The following DHRS4 variants were observed in gnomAD, a reference collection of about 807,000 sequenced individuals.
The protein encoded by DHRS4 is dehydrogenase/reductase SDR family member 4.
Under a neutral mutation model 28.4 loss-of-function variants are expected in DHRS4, and 20 were observed. That is an observed-to-expected ratio of 0.71 (90% confidence interval 0.50 to 1.02). The LOEUF (loss-of-function observed/expected upper bound fraction) is 1.02. Ranked by LOEUF, DHRS4 falls within the 50% of genes least tolerant of loss-of-function variation. The pLI is 0.00. For missense variants in DHRS4, 378 were observed against 367.2 expected, an observed-to-expected ratio of 1.03 and a Z score of -0.24; for synonymous variants, 144 against 146.4, an observed-to-expected ratio of 0.98 and a Z score of 0.12.
intron 5 of DHRS4, 146 bp from the exon 6 acceptor site, chr14:23,966,137 T>A (rs2033607603): frequency 7.6e-6 from 12 of 1,586,910 alleles, no homozygotes; most frequent in Admixed American, 1.7e-5. Flanking sequence ...AACCACAACC[T>A]AGGGGAGGTT....
intron 5 of DHRS4, 138 bp from the exon 6 acceptor site, chr14:23,966,145 G>A (rs1044912049): frequency 7.6e-6 from 12 of 1,584,162 alleles, no homozygotes; most frequent in Admixed American, 3.5e-5. Flanking sequence ...CCTAGGGGAG[G>A]TTTAGCCACA....
Position 23,955,030 on chromosome 14 carries a change from C to G in DHRS4, c.129-5C>G. 6.2e-7 allele frequency: 1 copy of G among 1,614,134 alleles called. No individual in the cohort carries two copies. Among genetic ancestry groups the G allele is most frequent in the Non-Finnish European group, 8.5e-7 (1 of 1,179,988 alleles). ...TTAGCAGTCTTTGTCTCTTTCTGCT[C>G]ACAGGATCGGCTTCGCCATCGCCCG... On this transcript the variant is annotated splice_polypyrimidine_tract_variant and splice_region_variant and intron_variant, in intron 1 of 7. Coordinates refer to ENST00000313250, the MANE Select transcript of DHRS4 (RefSeq NM_021004.4).
chr14:23,955,562 C>A (rs1364403586), intron 2 of DHRS4, among the ~76,000 whole-genome samples: 1 of 152,082 alleles, frequency 6.6e-6, no homozygotes, highest in African/African-American at 2.4e-5. Flanking sequence ...AGTCAAGTCC[C>A]TGGGAACCTC....
Position 23,960,618 on chromosome 14 carries a change from C to A in DHRS4, c.408+615C>A, listed in dbSNP as rs149403190. On this transcript the variant is annotated intron_variant, in intron 3 of 7. Transcript: ENST00000313250. ...TGAAAGTGTATAATTACATTATATT[C>A]GTAATATATTTCACACACACTCTTT... Among the ~76,000 whole-genome samples, 391 of 150,158 alleles carry A rather than the reference C, an allele frequency of 2.6e-3. 7 individuals are homozygous for A. The highest frequency in any genetic ancestry group is 9.0e-3 in the African/African-American group (359 of 39,792).
chr14:23,965,736 G>A lies in DHRS4; in HGVS notation c.409-26G>A, dbSNP rs765144263. 3 of 1,576,024 alleles carry A rather than the reference G, an allele frequency of 1.9e-6. No homozygotes were observed. The South Asian group carries it at 3.4e-5, about 18-fold the overall frequency. On this transcript the variant is annotated intron_variant, in intron 3 of 7. Coordinates refer to ENST00000313250, the MANE Select transcript of DHRS4 (RefSeq NM_021004.4). Reference sequence around the variant, plus strand: ...TCCTCCAGTGCTCTTCACTCATGCTGTTTCCCCTTCTTCTCTTGGCTTCAG... The same window carrying A: ...TCCTCCAGTGCTCTTCACTCATGCTATTTCCCCTTCTTCTCTTGGCTTCAG...
intron 7 of DHRS4, among the ~76,000 whole-genome samples, chr14:23,968,472 C>CTA (rs1286611313): frequency 2.0e-5 from 3 of 150,656 alleles, no homozygotes; most frequent in African/African-American, 7.4e-5. Flanking sequence ...ACCATTTTAT[C>CTA]TATATAACTT....
At chr14:23,968,612 A>G in intron 7 of DHRS4, 145 bp from the exon 8 acceptor site, 4 of 1,338,724 alleles carry the variant, frequency 3.0e-6, no homozygotes, top group Non-Finnish European at 4.1e-6. Context: ...TGGTAACCCT[A>G]TTTGATAGGC....
chr14:23,955,206 G>A lies in DHRS4; in HGVS notation c.300G>A (p.Val100=). The change falls in exon 2 of 8, where the codon GTG becomes GTA. Residue 100 remains valine, a synonymous_variant. Coordinates refer to ENST00000313250, the MANE Select transcript of DHRS4 (RefSeq NM_021004.4). ...VGKAEDRERL[V]ATAVKLHGGI... ...AGGCGGAGGACCGGGAGCGGCTGGTGGCCACGGTGAGCTGCAGGGAAATGG... is the reference window on the plus strand; with the variant it reads ...AGGCGGAGGACCGGGAGCGGCTGGTAGCCACGGTGAGCTGCAGGGAAATGG... 6.2e-7 allele frequency: 1 copy of A among 1,612,796 alleles called. No homozygotes were observed. The highest frequency in any genetic ancestry group is 8.5e-7 in the Non-Finnish European group (1 of 1,179,390).
chr14:23,965,620 A>C (rs2033584873), intron 3 of DHRS4, 142 bp from the exon 4 acceptor site: 2 of 748,980 alleles, frequency 2.7e-6, no homozygotes, highest in Admixed American at 2.8e-5. Flanking sequence ...CAGTTCCTTC[A>C]TGTGTAAGAT....
rs769146863 is a variant in DHRS4 at position 23,968,711 on chromosome 14, G to A, written c.723-46G>A. ...CCCTGTGTCCCAGGTGAGGGAGGCA[G>A]AACTGTTTGATTTTTACCTCCTTCC... On this transcript the variant is annotated intron_variant, in intron 7 of 7. Transcript: ENST00000313250. The A allele has an allele frequency of 3.3e-5, 53 of 1,602,050 alleles. 2 individuals are homozygous for A. Among genetic ancestry groups the A allele is most frequent in the Non-Finnish European group, 4.1e-5 (48 of 1,174,672 alleles).
chr14:23,953,921 G>C lies in DHRS4; in HGVS notation c.128+5G>C. On this transcript the variant is annotated splice_donor_5th_base_variant and intron_variant, in intron 1 of 7. Transcript: ENST00000313250. ...GGTAACGGCCTCCACCGACGGGTGA[G>C]TGCTCCGGCCGGAGTTTCTGAGGCC... 6.3e-7 allele frequency: 1 copy of C among 1,579,892 alleles called. No homozygotes were observed. Among genetic ancestry groups the C allele is most frequent in the South Asian group, 1.1e-5 (1 of 87,778 alleles).
In DHRS4 at chr14:23,967,027, C is replaced by T. The variant is rs1275479129; in HGVS notation, c.667-184C>T. Among the ~76,000 whole-genome samples the T allele has an allele frequency of 9.9e-5, 15 of 151,948 alleles. No individual in the cohort carries two copies. The East Asian group carries it at 1.2e-3, about 12-fold the overall frequency. Reference sequence around the variant, plus strand: ...AAAATTAGCCGGGCGCAGTGGCGAGCGCCTGTAATCCCAGCTACTCGGGAG... The same window carrying T: ...AAAATTAGCCGGGCGCAGTGGCGAGTGCCTGTAATCCCAGCTACTCGGGAG... On this transcript the variant is annotated intron_variant, in intron 6 of 7. Coordinates refer to ENST00000313250, the MANE Select transcript of DHRS4 (RefSeq NM_021004.4).
At chr14:23,960,846 G>A (rs1594425395) in intron 3 of DHRS4, among the ~76,000 whole-genome samples, 1 of 152,212 alleles carries the variant, frequency 6.6e-6, no homozygotes, top group South Asian at 2.1e-4. Context: ...TTACGATACT[G>A]CAGACTGTAC....
At chr14:23,964,424 T>C (rs1395930649) in intron 3 of DHRS4, among the ~76,000 whole-genome samples, 1 of 144,114 alleles carries the variant, frequency 6.9e-6, no homozygotes, top group African/African-American at 2.6e-5. Context: ...GAGGCCAATA[T>C]GTTAGATAAA....
chr14:23,955,329 C>G (rs2138428282), intron 2 of DHRS4, 117 bp downstream of exon 2: 2 of 1,417,908 alleles, frequency 1.4e-6, no homozygotes, highest in Admixed American at 2.8e-5. Context: ...TCTATTATGT[C>G]CATATACTAA....
Position 23,956,754 on chromosome 14 carries a change from C to A in DHRS4, c.306+1542C>A, listed in dbSNP as rs558477370. 5.9e-5 allele frequency among the ~76,000 whole-genome samples: 9 copies of A among 152,232 alleles called. No homozygotes were observed. In the South Asian group the frequency reaches 1.9e-3, roughly 32 times the overall value. On this transcript the variant is annotated intron_variant, in intron 2 of 7. Transcript: ENST00000313250. ...GAGCAGCTAGGATTACAGGCATCCA[C>A]CACCACGTCCAGCTAATTTTTGTAT...
intron 2 of DHRS4, among the ~76,000 whole-genome samples, chr14:23,956,757 C>T (rs1594416179): frequency 1.3e-5 from 2 of 152,126 alleles, no homozygotes; most frequent in African/African-American, 4.8e-5. Context: ...GCATCCACCA[C>T]CACGTCCAGC....
At chr14:23,959,668 A>G (rs148878434) in intron 2 of DHRS4, among the ~76,000 whole-genome samples, 3 of 148,112 alleles carry the variant, frequency 2.0e-5, no homozygotes, top group Non-Finnish European at 3.0e-5. Context: ...AAGTAGGAAG[A>G]TTTTGTTGTC....
rs1309918258 is a variant in DHRS4, at chr14:23,955,230, G to A, written c.306+18G>A. 1 of 1,608,386 alleles carries A rather than the reference G, an allele frequency of 6.2e-7. No individual in the cohort carries two copies. Among genetic ancestry groups the A allele is most frequent in the East Asian group, 2.2e-5 (1 of 44,708 alleles). On this transcript the variant is annotated intron_variant, in intron 2 of 7. Transcript: ENST00000313250. ...TGGCCACGGTGAGCTGCAGGGAAAT[G>A]GGCACAGAGCCAGGAGGTGGAAAAC...
Sources: allele counts gnomAD v4.1 joint callset (sites outside exome capture counted in the v4.1 genomes callset), GRCh38; gene constraint gnomAD v4.1.1; transcripts MANE v1.5; gene names NCBI Gene and HGNC (gene_info 2026-07-23, HGNC 2026-07-21).